Variants in MFHAS1 observed in about 807,000 individuals in gnomAD.
MFHAS1 encodes the protein multifunctional ROCO family signaling regulator 1.
A neutral mutation model predicts 70.4 loss-of-function variants in MFHAS1; 50 were observed. The ratio of observed to expected loss-of-function variants is 0.71; its 90% CI spans 0.57 to 0.90. The LOEUF is 0.90. Among genes scored for constraint, MFHAS1 ranks in the 40% least tolerant of loss-of-function variants. The pLI, the probability that MFHAS1 is intolerant of heterozygous loss-of-function variation, is 0.00. For missense variants in MFHAS1, 1,795 were observed against 1,347.6 expected (o/e 1.33, Z -5.20); for synonymous variants, 952 against 620.0 (o/e 1.54, Z -7.96).
intron 1 of MFHAS1, among the ~76,000 whole-genome samples, chr8:8,869,345 T>C (rs942652403): frequency 6.6e-6 from 1 of 152,194 alleles, no homozygotes; most frequent in Non-Finnish European, 1.5e-5. Context: ...GCTGATTCGT[T>C]ATGCACAACC....
intron 1 of MFHAS1, among the ~76,000 whole-genome samples, chr8:8,862,570 G>T (rs564217909): frequency 2.6e-4 from 40 of 152,144 alleles, no homozygotes; most frequent in Middle Eastern, 3.4e-3. Context: ...CTGCTGTTAG[G>T]GGGTGGAGGT....
At chr8:8,810,043 T>G (rs187920398) in intron 1 of MFHAS1, among the ~76,000 whole-genome samples, 1 of 152,340 alleles carries the variant, frequency 6.6e-6, no homozygotes, top group East Asian at 1.9e-4. Context: ...TTTGAAGTAC[T>G]AAGGGGAATC....
At chr8:8,885,844 G>A (rs1411037230) in intron 1 of MFHAS1, among the ~76,000 whole-genome samples, 2 of 152,186 alleles carry the variant, frequency 1.3e-5, no homozygotes, top group African/African-American at 4.8e-5. Flanking sequence ...CCAGGAGCTG[G>A]GATTACAGGC....
intron 1 of MFHAS1, among the ~76,000 whole-genome samples, chr8:8,888,865 T>TGTC (rs1809874243): frequency 6.6e-6 from 1 of 152,130 alleles, no homozygotes; most frequent in Non-Finnish European, 1.5e-5. Flanking sequence ...GGTACTGATG[T>TGTC]GTCACTGCAG....
At chr8:8,826,242 C>G (rs985742782) in intron 1 of MFHAS1, among the ~76,000 whole-genome samples, 1 of 100,690 alleles carries the variant, frequency 9.9e-6, no homozygotes, top group Admixed American at 1.4e-4. Flanking sequence ...CATGCAAACA[C>G]AAAGAGTGTG....
chr8:8,893,195 A>G lies in MFHAS1; in HGVS notation c.-137T>C. The G allele has an allele frequency of 2.7e-6, 1 of 367,238 alleles. No individual in the cohort carries two copies. The highest frequency in any genetic ancestry group is 4.2e-6 in the Non-Finnish European group (1 of 235,668). The allele number at this position is 367,238 out of a possible 1,614,324, so 22.7% of individuals were successfully genotyped here. On this transcript the variant is annotated 5_prime_UTR_variant, in exon 1 of 3. Transcript: ENST00000276282. ...GGCCGGCGGCCGCGGGTCCTAGCGC[A>G]GCCAGCGGCCGAGCGCTGGCGGCTA...
At chr8:8,879,249 G>C (rs1310557414) in intron 1 of MFHAS1, among the ~76,000 whole-genome samples, 1 of 152,040 alleles carries the variant, frequency 6.6e-6, no homozygotes, top group Non-Finnish European at 1.5e-5. Context: ...CTAGTTGGGA[G>C]ATGAGGCAGG....
chr8:8,867,397 G>A (rs1319934405), intron 1 of MFHAS1, among the ~76,000 whole-genome samples: 1 of 152,002 alleles, frequency 6.6e-6, no homozygotes, highest in African/African-American at 2.4e-5. Flanking sequence ...AAAATTAAAA[G>A]GAGGCCCATA....
At chr8:8,863,900 C>T (rs13260633) in intron 1 of MFHAS1, among the ~76,000 whole-genome samples, 1 of 152,194 alleles carries the variant, frequency 6.6e-6, no homozygotes, top group East Asian at 1.9e-4. Flanking sequence ...TATCAAGGAG[C>T]TGAAACTCAC....
Position 8,797,443 on chromosome 8 carries a change from C to A in MFHAS1, c.3047G>T (p.Cys1016Phe), listed in dbSNP as rs1585020201. 6.2e-7 allele frequency: 1 copy of A among 1,614,070 alleles called. No homozygotes were observed. The highest frequency in any genetic ancestry group is 2.2e-5 in the East Asian group (1 of 44,876). ...TACTCGCTCGCTGCCGTTCTTGGGG[C>A]AAATGATCTCTGCCACTCCTTCCGG... is the stretch of plus-strand genomic sequence containing the variant. ...PRPEGVAEIICPKNGSERVNV... is the reference protein window; with the variant it reads ...PRPEGVAEIIFPKNGSERVNV... The change falls in exon 2 of 3, where the codon TGC becomes TTC. Residue 1016 changes from cysteine (C) to phenylalanine (F), a missense_variant. Physicochemically the swap from Cys to Phe is radical, Grantham distance 205. Coordinates refer to ENST00000276282, the MANE Select transcript of MFHAS1 (RefSeq NM_004225.3).
At chr8:8,793,316 C>T (rs766845697) in intron 2 of MFHAS1, among the ~76,000 whole-genome samples, 1 of 152,226 alleles carries the variant, frequency 6.6e-6, no homozygotes, top group Admixed American at 6.5e-5. Context: ...CAGTCATCTA[C>T]AGTTTCTTCT....
At chr8:8,824,178 C>A (rs879305969) in intron 1 of MFHAS1, among the ~76,000 whole-genome samples, 2 of 151,776 alleles carry the variant, frequency 1.3e-5, no homozygotes, top group Non-Finnish European at 2.9e-5. Context: ...AGTAAACAGA[C>A]AGGCAAACTC....
At chr8:8,863,165 A>G (rs1035785536) in intron 1 of MFHAS1, among the ~76,000 whole-genome samples, 8 of 152,186 alleles carry the variant, frequency 5.3e-5, no homozygotes, top group African/African-American at 1.9e-4. Context: ...GTGTGGGTCT[A>G]TTCTGTTCCA....
At chr8:8,786,930 G>A (rs1563172857) in intron 2 of MFHAS1, among the ~76,000 whole-genome samples, 1 of 151,528 alleles carries the variant, frequency 6.6e-6, no homozygotes, top group Non-Finnish European at 1.5e-5. Context: ...ACAAAGCAAA[G>A]CAAAGCAAAA....
intron 1 of MFHAS1, among the ~76,000 whole-genome samples, chr8:8,888,093 T>C (rs1809840853): frequency 6.6e-6 from 1 of 152,210 alleles, no homozygotes; most frequent in African/African-American, 2.4e-5. Context: ...CTTGCTTCCA[T>C]GAATAACACA....
intron 1 of MFHAS1, among the ~76,000 whole-genome samples, chr8:8,883,707 CAAAAAAAAAAA>C (rs35799658): frequency 4.4e-3 from 129 of 29,594 alleles, no homozygotes; most frequent in South Asian, 0.013. Context: ...GACTCAGTCT[CAAAAAAAAAAA>C]AAAAAAAAAA....
intron 1 of MFHAS1, among the ~76,000 whole-genome samples, chr8:8,834,280 A>G (rs1233296665): frequency 6.6e-6 from 1 of 152,246 alleles, no homozygotes; most frequent in African/African-American, 2.4e-5. Flanking sequence ...CATAGCCGCC[A>G]TAACTCAATT....
chr8:8,836,614 G>C (rs76887541), intron 1 of MFHAS1, among the ~76,000 whole-genome samples: 1 of 152,142 alleles, frequency 6.6e-6, no homozygotes, highest in African/African-American at 2.4e-5. Flanking sequence ...CTGGCCTCAA[G>C]TGATCCTCCC....
chr8:8,790,132 A>C (rs749759555), intron 2 of MFHAS1, among the ~76,000 whole-genome samples: 4 of 152,250 alleles, frequency 2.6e-5, no homozygotes, highest in Non-Finnish European at 5.9e-5. Flanking sequence ...TAAATTAAGC[A>C]AAAGAATCAA....
Sources: allele counts gnomAD v4.1 joint callset (sites outside exome capture counted in the v4.1 genomes callset), GRCh38; gene constraint gnomAD v4.1.1; transcripts MANE v1.5; gene names NCBI Gene and HGNC (gene_info 2026-07-23, HGNC 2026-07-21).